Variants in NBEAL1 observed in about 807,000 individuals in gnomAD.
NBEAL1 encodes the protein neurobeachin like 1.
A neutral mutation model predicts 351.3 loss-of-function variants in NBEAL1; 273 were observed. The observed-to-expected ratio is 0.78, with a 90% CI of 0.70 to 0.86. NBEAL1 has a LOEUF of 0.86. Among genes scored for constraint, NBEAL1 ranks in the 40% least tolerant of loss-of-function variants. The probability of loss-of-function intolerance (pLI) is 0.00; values close to 1 mark genes in which losing one functional copy is unlikely to be tolerated. For missense variants in NBEAL1, 2,961 were observed against 3,201.3 expected, an observed-to-expected ratio of 0.92 and a Z score of 1.81; for synonymous variants, 1,050 against 1,086.4, an observed-to-expected ratio of 0.97 and a Z score of 0.66.
chr2:203,051,758 AT>A (rs1168805021), intron 4 of NBEAL1, among the ~76,000 whole-genome samples: 1 of 152,096 alleles, frequency 6.6e-6, no homozygotes, highest in Non-Finnish European at 1.5e-5. Context: ...TTGAAAAAAA[AT>A]TTTTTGGGTA....
At chr2:203,097,288 AG>A (rs1462004219) in intron 10 of NBEAL1, among the ~76,000 whole-genome samples, 2 of 152,230 alleles carry the variant, frequency 1.3e-5, no homozygotes, top group Non-Finnish European at 2.9e-5. Context: ...TTAAGAATTT[AG>A]GAATATTAAC....
At chr2:203,084,306 A>C (rs1168415446) in intron 9 of NBEAL1, among the ~76,000 whole-genome samples, 157 bp from the exon 10 acceptor site, 4 of 152,184 alleles carry the variant, frequency 2.6e-5, no homozygotes, top group African/African-American at 9.6e-5. Context: ...CTAAAGGCAT[A>C]AAAATGCTTT....
intron 17 of NBEAL1, among the ~76,000 whole-genome samples, chr2:203,113,594 T>C (rs1285763592): frequency 6.6e-6 from 1 of 152,174 alleles, no homozygotes; most frequent in Non-Finnish European, 1.5e-5. Flanking sequence ...GCTAGGGCTG[T>C]CATAGCAAAA....
intron 2 of NBEAL1, among the ~76,000 whole-genome samples, chr2:203,027,808 G>T (rs959186649): frequency 2.0e-5 from 3 of 152,052 alleles, no homozygotes; most frequent in African/African-American, 7.2e-5. Flanking sequence ...GACTCGTGAG[G>T]TCAAGTGATC....
At chr2:203,112,122 T>C (rs2062587367) in intron 16 of NBEAL1, 24 bp downstream of exon 16, 2 of 1,540,230 alleles carry the variant, frequency 1.3e-6, no homozygotes, top group East Asian at 2.4e-5. Context: ...ACCTACTCTT[T>C]ACGGGCCCTA....
chr2:203,063,466 G>C (rs1206813616), intron 6 of NBEAL1, among the ~76,000 whole-genome samples: 1 of 136,724 alleles, frequency 7.3e-6, no homozygotes, highest in African/African-American at 2.6e-5. Flanking sequence ...GGGAGGGAGG[G>C]AGGGAGAGAG....
chr2:203,145,690 A>G (rs972262653), intron 33 of NBEAL1, among the ~76,000 whole-genome samples: 3 of 151,180 alleles, frequency 2.0e-5, no homozygotes, highest in Non-Finnish European at 3.0e-5. Context: ...CCCAGCTACT[A>G]AGGGGGCTGG....
chr2:203,111,997 C>A lies in NBEAL1; in HGVS notation c.2101C>A (p.His701Asn). ...DSLWHNITVV[H>N]MPGKRPFGQS... is the part of the protein sequence containing the mutation. ...TTACCAGCACAACATAACTGTTGTC[C>A]ACATGCCTGGAAAAAGGCCTTTTGG... Residue 701 changes from histidine (H) to asparagine (N), a missense_variant, in exon 16 of 56, where the codon CAC becomes AAC. By Grantham distance (68) the His-to-Asn change is moderately conservative (BLOSUM62 1). Coordinates refer to ENST00000683969, the MANE Select transcript of NBEAL1 (RefSeq NM_001378026.1). The A allele has an allele frequency of 6.4e-7, 1 of 1,551,316 alleles. No homozygotes were observed. Among genetic ancestry groups the A allele is most frequent in the South Asian group, 1.2e-5 (1 of 83,844 alleles).
At chr2:203,041,729 G>C (rs1176926178) in intron 2 of NBEAL1, 36 bp from the exon 3 acceptor site, 1 of 1,393,788 alleles carries the variant, frequency 7.2e-7, no homozygotes, top group African/African-American at 1.5e-5. Flanking sequence ...TTTCCTGATA[G>C]GCATACTTAA....
rs780986589 is a variant in NBEAL1, at chr2:203,208,700, G to T, written c.7570G>T (p.Val2524Leu). The T allele has an allele frequency of 6.2e-7, 1 of 1,612,574 alleles. No homozygotes were observed. Among genetic ancestry groups the T allele is most frequent in the Non-Finnish European group, 8.5e-7 (1 of 1,179,670 alleles). ...FQILYGHTNE[V>L]LSVGISTELD... ...GATTCTTTATGGACACACCAACGAGGTACTGAGTGTCGGCATCAGCACTGA... is the reference window on the plus strand; with the variant it reads ...GATTCTTTATGGACACACCAACGAGTTACTGAGTGTCGGCATCAGCACTGA... The change falls in exon 52 of 56, where the codon GTA (valine) becomes TTA (leucine). Residue 2524 changes from valine (V) to leucine (L), a missense_variant. Physicochemically the swap from Val to Leu is conservative, Grantham distance 32. Transcript: ENST00000683969.
At position 203,190,308 on chromosome 2, in the gene NBEAL1, T is replaced by C. The variant is rs2065034732; in HGVS notation, c.6840T>C (p.Asp2280=). 1.2e-6 allele frequency: 2 copies of C among 1,610,106 alleles called. No individual in the cohort carries two copies. Among genetic ancestry groups the C allele is most frequent in the African/African-American group, 1.3e-5 (1 of 74,604 alleles). Residue 2280 remains aspartate (D), a synonymous_variant, in exon 46 of 56, where the codon GAT becomes GAC. Coordinates refer to ENST00000683969, the MANE Select transcript of NBEAL1 (RefSeq NM_001378026.1). ...YCSYEGAVDL[D]ALTDEKERKA... is the part of the protein sequence containing the mutation. ...TGGTTTTAGGAGCTGTGGATCTGGA[T>C]GCCTTAACAGATGAGAAAGAAAGAA...
intron 37 of NBEAL1, among the ~76,000 whole-genome samples, 174 bp from the exon 38 acceptor site, chr2:203,167,053 A>G (rs2064155150): frequency 6.6e-6 from 1 of 152,214 alleles, no homozygotes; most frequent in Non-Finnish European, 1.5e-5. Context: ...TAGAACTTTA[A>G]AATAGTTTAA....
At chr2:203,113,382 C>A in intron 17 of NBEAL1, 64 bp downstream of exon 17, 2 of 856,652 alleles carry the variant, frequency 2.3e-6, no homozygotes, top group South Asian at 4.6e-5. Flanking sequence ...TAAATATATT[C>A]TGAAGAATAT....
intron 2 of NBEAL1, among the ~76,000 whole-genome samples, chr2:203,038,773 G>A (rs892025220): frequency 4.0e-5 from 6 of 148,756 alleles, no homozygotes; most frequent in African/African-American, 9.8e-5. Context: ...GACTTCCTGC[G>A]CTCAAGAATT....
At chr2:203,139,965 T>C (rs1559397975) in intron 31 of NBEAL1, among the ~76,000 whole-genome samples, 1 of 152,138 alleles carries the variant, frequency 6.6e-6, no homozygotes, top group South Asian at 2.1e-4. Flanking sequence ...TTAATAGATA[T>C]TTATTTTTCA....
chr2:203,116,016 A>G lies in NBEAL1; in HGVS notation c.2538A>G (p.Gln846=). Residue 846 remains glutamine (Q), a synonymous_variant, in exon 18 of 56, where the codon CAA becomes CAG. Transcript: ENST00000683969. ...ATTGTTTAAGCCCTTGGAAGTGTCA[A>G]GAGTCTGACATGGCCGACCTGCCTG... ...GPNCLSPWKC[Q]ESDMADLPGN... 6.4e-7 allele frequency: 1 copy of G among 1,553,590 alleles called. No individual in the cohort carries two copies. Among genetic ancestry groups the G allele is most frequent in the Non-Finnish European group, 8.7e-7 (1 of 1,147,380 alleles).
At chr2:203,164,095 T>G (rs1454962811) in intron 36 of NBEAL1, among the ~76,000 whole-genome samples, 2 of 151,994 alleles carry the variant, frequency 1.3e-5, no homozygotes, top group Non-Finnish European at 2.9e-5. Context: ...GTTTATAAAT[T>G]TATTAATAGA....
intron 48 of NBEAL1, 149 bp downstream of exon 48, chr2:203,197,540 A>C (rs569767541): frequency 1.1e-4 from 56 of 515,654 alleles, no homozygotes; most frequent in African/African-American, 1.1e-3. Flanking sequence ...AGGTTGAGAC[A>C]AGCAGATTGC....
chr2:203,064,285 T>A (rs1233233817), intron 6 of NBEAL1, among the ~76,000 whole-genome samples: 1 of 152,194 alleles, frequency 6.6e-6, no homozygotes, highest in Non-Finnish European at 1.5e-5. Flanking sequence ...ACTCCTGACC[T>A]CAGTTGATCC....
Sources: allele counts gnomAD v4.1 joint callset (sites outside exome capture counted in the v4.1 genomes callset), GRCh38; gene constraint gnomAD v4.1.1; transcripts MANE v1.5; gene names NCBI Gene and HGNC (gene_info 2026-07-23, HGNC 2026-07-21).